The following FAAH2 variants were observed in gnomAD, a reference collection of about 807,000 sequenced individuals.
FAAH2 encodes the protein fatty-acid amide hydrolase 2.
In FAAH2, 60 loss-of-function variants were observed where a neutral mutation model predicts 36.9. The observed-to-expected ratio is 1.63, with a 90% confidence interval of 1.32 to 2.02. The LOEUF (loss-of-function observed/expected upper bound fraction) is 2.02. FAAH2 is among the 30% of genes most tolerant of loss of function. FAAH2 has a pLI of 0.00. For synonymous variants in FAAH2, 214 were observed against 143.8 expected (o/e 1.49, Z -3.49); for missense variants, 689 against 397.5 (o/e 1.73, Z -6.23).
chrX:57,315,128 A>C (rs1463823807), intron 3 of FAAH2, among the ~76,000 whole-genome samples: 4 of 111,521 alleles, frequency 3.6e-5, no homozygotes, highest in African/African-American at 1.3e-4. Context: ...GTCACAATCA[A>C]TTCAATGCAC....
At chrX:57,465,829 AC>A (rs2057037357) in intron 10 of FAAH2, among the ~76,000 whole-genome samples, 1 of 110,609 alleles carries the variant, frequency 9.0e-6, no homozygotes, top group African/African-American at 3.3e-5. Flanking sequence ...TAAAAATAAT[AC>A]CCAAAACAAT....
At chrX:57,299,631 AAG>A (rs2146832117) in intron 2 of FAAH2, among the ~76,000 whole-genome samples, 1 of 112,114 alleles carries the variant, frequency 8.9e-6, no homozygotes, top group African/African-American at 3.2e-5. Flanking sequence ...GAAGGAAATA[AAG>A]GACATTCAAT....
At chrX:57,148,396 A>G in the FAAH2 span, among the ~76,000 whole-genome samples, 2 of 111,811 alleles carry the variant, frequency 1.8e-5, no homozygotes, top group African/African-American at 6.5e-5. Context: ...ACCCATGAGC[A>G]TGGAATGTTC....
chrX:57,233,817 TGATATTTTGTGGA>T, the FAAH2 span, among the ~76,000 whole-genome samples: 1 of 112,352 alleles, frequency 8.9e-6, no homozygotes, highest in Non-Finnish European at 1.9e-5. Flanking sequence ...TTTTATTTCA[TGATATTTTGTGGA>T]GATAGGGTTT....
intron 5 of FAAH2, among the ~76,000 whole-genome samples, chrX:57,376,051 A>G (rs984617699): frequency 9.0e-6 from 1 of 111,317 alleles, no homozygotes; most frequent in Non-Finnish European, 1.9e-5. Flanking sequence ...AACAAGAGCA[A>G]GTGGGCTGGA....
chrX:57,297,347 C>A (rs762481171), intron 2 of FAAH2, among the ~76,000 whole-genome samples: 146 of 109,515 alleles, frequency 1.3e-3, no homozygotes, highest in African/African-American at 4.7e-3. Context: ...CATATACAGC[C>A]AAACTAAGCT....
chrX:57,425,026 A>G (rs191805449), intron 7 of FAAH2, among the ~76,000 whole-genome samples: 1 of 87,895 alleles, frequency 1.1e-5, no homozygotes, highest in Admixed American at 1.3e-4. Context: ...TACCAAAAAG[A>G]TAGATATTAA....
chrX:57,336,440 G>A (rs1052159879), intron 4 of FAAH2, among the ~76,000 whole-genome samples: 2 of 111,258 alleles, frequency 1.8e-5, no homozygotes, highest in African/African-American at 3.3e-5. Context: ...CTCTTCACAC[G>A]GACGCGCATG....
chrX:57,123,337 A>G, the FAAH2 span, among the ~76,000 whole-genome samples: 3 of 111,812 alleles, frequency 2.7e-5, no homozygotes, highest in Admixed American at 9.4e-5. Context: ...CGGACTCATC[A>G]TTTTTTATGG....
intron 10 of FAAH2, among the ~76,000 whole-genome samples, chrX:57,483,790 T>C (rs1427089331): frequency 7.5e-5 from 2 of 26,532 alleles, no homozygotes; most frequent in Non-Finnish European, 3.6e-4. Context: ...TTTTTTTTTT[T>C]TTTTTTTTTT....
At chrX:57,266,722 T>A in the FAAH2 span, among the ~76,000 whole-genome samples, 3 of 112,130 alleles carry the variant, frequency 2.7e-5, no homozygotes, top group Non-Finnish European at 5.6e-5. Context: ...CCATCCATCC[T>A]GGGATGATTG....
chrX:57,338,235 GGTTT>G (rs1188267468), intron 4 of FAAH2, among the ~76,000 whole-genome samples: 9 of 111,485 alleles, frequency 8.1e-5, no homozygotes, highest in Middle Eastern at 4.2e-3. Flanking sequence ...AGTCAAAGGG[GGTTT>G]GTTCTCTGGC....
At chrX:57,425,214 G>T (rs756315158) in intron 7 of FAAH2, among the ~76,000 whole-genome samples, 1 of 111,332 alleles carries the variant, frequency 9.0e-6, no homozygotes, top group Non-Finnish European at 1.9e-5. Flanking sequence ...CAAAAAGTTT[G>T]GAACTATGTA....
At chrX:57,178,026 C>A in the FAAH2 span, among the ~76,000 whole-genome samples, 3 of 111,281 alleles carry the variant, frequency 2.7e-5, no homozygotes, top group Non-Finnish European at 5.7e-5. Flanking sequence ...GTCTAGCCAC[C>A]CAGTGGGGCT....
At chrX:57,251,452 T>C in the FAAH2 span, among the ~76,000 whole-genome samples, 9 of 111,655 alleles carry the variant, frequency 8.1e-5, no homozygotes, top group African/African-American at 2.6e-4. Flanking sequence ...AAGACAAGGA[T>C]TCTCACTGAT....
chrX:57,227,179 G>A, the FAAH2 span, among the ~76,000 whole-genome samples: 1 of 110,633 alleles, frequency 9.0e-6, no homozygotes, highest in Non-Finnish European at 1.9e-5. Flanking sequence ...TTCTTGGTTT[G>A]GATCCATTGC....
the FAAH2 span, among the ~76,000 whole-genome samples, chrX:57,264,791 A>T: frequency 8.9e-6 from 1 of 112,383 alleles, no homozygotes; most frequent in Non-Finnish European, 1.9e-5. Context: ...CCAAATACCC[A>T]CCAATGGTAG....
At chrX:57,454,881 G>A (rs1052219756) in intron 10 of FAAH2, among the ~76,000 whole-genome samples, 5 of 111,746 alleles carry the variant, frequency 4.5e-5, no homozygotes, top group Non-Finnish European at 7.5e-5. Context: ...ACATATTTGA[G>A]GATATAGTCC....
chrX:57,362,013 A>T (rs1212043109), intron 5 of FAAH2, among the ~76,000 whole-genome samples: 1 of 111,408 alleles, frequency 9.0e-6, no homozygotes, highest in African/African-American at 3.3e-5. Flanking sequence ...TTGCTTTCAG[A>T]CTATCAGAGC....
Sources: allele counts gnomAD v4.1 joint callset (sites outside exome capture counted in the v4.1 genomes callset), GRCh38; gene constraint gnomAD v4.1.1; transcripts MANE v1.5; gene names NCBI Gene and HGNC (gene_info 2026-07-23, HGNC 2026-07-21).